NDST3: variants seen among roughly 807,000 people sequenced by gnomAD.
NDST3 encodes bifunctional heparan sulfate N-deacetylase/N-sulfotransferase 3.
NDST3 carries 58 observed loss-of-function variants against 96.1 expected under a neutral mutation model. That is an observed-to-expected ratio of 0.60 (90% CI 0.49 to 0.75). The LOEUF is 0.75. Among genes scored for constraint, NDST3 ranks in the 30% least tolerant of loss-of-function variants. The probability of loss-of-function intolerance (pLI) is 0.00; values close to 1 mark genes in which losing one functional copy is unlikely to be tolerated. For synonymous variants in NDST3, 333 were observed against 359.7 expected, an observed-to-expected ratio of 0.93 and a Z score of 0.84; for missense variants, 788 against 1,034.2, an observed-to-expected ratio of 0.76 and a Z score of 3.27.
At chr4:118,131,807 G>A (rs1361502311) in intron 4 of NDST3, among the ~76,000 whole-genome samples, 4 of 152,090 alleles carry the variant, frequency 2.6e-5, no homozygotes, top group East Asian at 1.9e-4. Flanking sequence ...TTGCAGACTC[G>A]TAGAGGTACC....
chr4:118,180,768 C>G (rs1736560884), intron 6 of NDST3, among the ~76,000 whole-genome samples: 3 of 152,116 alleles, frequency 2.0e-5, no homozygotes, highest in Admixed American at 2.0e-4. Flanking sequence ...ATTTCTTGAC[C>G]AGCTTATACT....
chr4:118,215,449 A>T (rs1739135611), intron 6 of NDST3, among the ~76,000 whole-genome samples: 1 of 152,096 alleles, frequency 6.6e-6, no homozygotes, highest in Admixed American at 6.6e-5. Context: ...TGGTGGGGAC[A>T]AAACCCAAGT....
chr4:118,195,381 A>G (rs1737610404), intron 6 of NDST3, among the ~76,000 whole-genome samples: 1 of 152,066 alleles, frequency 6.6e-6, no homozygotes, highest in African/African-American at 2.4e-5. Context: ...GTCTCATGGG[A>G]TCTAATAGTT....
At chr4:118,107,113 C>A (rs10014154) in intron 3 of NDST3, among the ~76,000 whole-genome samples, 2,992 of 151,814 alleles carry the variant, frequency 0.02, 85 homozygotes, top group African/African-American at 0.069. Flanking sequence ...TAATAATAAT[C>A]ATCATCATCA....
rs561397148 is a variant in NDST3 at position 118,218,083 on chromosome 4, C to A, written c.1540-6408C>A. Among the ~76,000 whole-genome samples the A allele has an allele frequency of 6.6e-5, 10 of 151,856 alleles. 1 individual carries two copies. In the South Asian group the frequency reaches 2.1e-3, roughly 32 times the overall value. ...CTACCAACCAAAAAAAAGCCCAAGA[C>A]CAGATACACAGCCGAATTCTACCAG... On this transcript the variant is annotated intron_variant, in intron 6 of 13. Transcript: ENST00000296499.
At chr4:118,138,332 A>C (rs1373863998) in intron 5 of NDST3, 93 bp downstream of exon 5, 1 of 1,144,100 alleles carries the variant, frequency 8.7e-7, no homozygotes, top group African/African-American at 1.6e-5. Context: ...TAGCAGCATA[A>C]ATGTAGGAAA....
At chr4:118,057,789 G>A (rs554116807) in intron 2 of NDST3, among the ~76,000 whole-genome samples, 2 of 152,176 alleles carry the variant, frequency 1.3e-5, no homozygotes, top group East Asian at 1.9e-4. Context: ...GGGTCAAGAT[G>A]TGAAGAAAGA....
At chr4:118,235,130 C>T (rs1224111975) in intron 9 of NDST3, among the ~76,000 whole-genome samples, 3 of 151,604 alleles carry the variant, frequency 2.0e-5, no homozygotes, top group Admixed American at 2.0e-4. Flanking sequence ...TCCCATTTTT[C>T]AGGTAAAAGA....
At chr4:118,073,060 A>ATCCC (rs1727215701) in intron 2 of NDST3, among the ~76,000 whole-genome samples, 1 of 152,166 alleles carries the variant, frequency 6.6e-6, no homozygotes, top group African/African-American at 2.4e-5. Flanking sequence ...CCAACCTTAC[A>ATCCC]TCCCAGGGAT....
At chr4:118,235,244 C>A (rs1367256438) in intron 9 of NDST3, among the ~76,000 whole-genome samples, 1 of 152,150 alleles carries the variant, frequency 6.6e-6, no homozygotes, top group Non-Finnish European at 1.5e-5. Flanking sequence ...TTCACTAATT[C>A]TTTGAATAAC....
rs184772718 is a variant in NDST3 at position 118,126,490 on chromosome 4, C to T, written c.1224+11530C>T. Among the ~76,000 whole-genome samples, 360 of 148,350 alleles carry T rather than the reference C, an allele frequency of 2.4e-3. 4 individuals are homozygous for T. Among genetic ancestry groups the T allele is most frequent in the African/African-American group, 8.8e-3 (347 of 39,554 alleles). On this transcript the variant is annotated intron_variant, in intron 4 of 13. Coordinates refer to ENST00000296499, the MANE Select transcript of NDST3 (RefSeq NM_004784.3). ...TGGCTGAATAGTACACCACTGTGTA[C>T]TATTATACTGTGTGTATGTATGTGT...
chr4:118,220,454 AT>A (rs1176428829), intron 6 of NDST3, among the ~76,000 whole-genome samples: 4 of 151,596 alleles, frequency 2.6e-5, no homozygotes, highest in East Asian at 3.9e-4. Context: ...CAGTTAGGGG[AT>A]GGGGGGCTAG....
intron 1 of NDST3, among the ~76,000 whole-genome samples, chr4:118,035,870 C>T (rs945543792): frequency 3.3e-5 from 5 of 151,948 alleles, no homozygotes; most frequent in African/African-American, 4.8e-5. Context: ...AGAATTCTTA[C>T]ATTACTAAAA....
At position 118,207,146 on chromosome 4, in the gene NDST3, T is replaced by TAC. The variant is rs67300451; in HGVS notation, c.1540-17301_1540-17300dup. On this transcript the variant is annotated intron_variant, in intron 6 of 13. Coordinates refer to ENST00000296499, the MANE Select transcript of NDST3 (RefSeq NM_004784.3). ...AAAATAAAAGAAAATTCTGGAAGAA[T>TAC]ACACACACACACACACACACACACA... 8.6e-3 allele frequency among the ~76,000 whole-genome samples: 1,108 copies of TAC among 128,808 alleles called. 83 individuals are homozygous for TAC. Among genetic ancestry groups the TAC allele is most frequent in the African/African-American group, 0.026 (851 of 33,030 alleles). 84.5% of individuals were successfully genotyped at this position (128,808 alleles called of 152,430 possible).
chr4:118,141,620 A>G (rs1475790120), intron 5 of NDST3, among the ~76,000 whole-genome samples: 1 of 152,222 alleles, frequency 6.6e-6, no homozygotes, highest in Admixed American at 6.5e-5. Flanking sequence ...AGTCCCAAAG[A>G]TGGCTCTGTA....
At chr4:118,038,750 C>G (rs1361948434) in intron 1 of NDST3, among the ~76,000 whole-genome samples, 4 of 152,076 alleles carry the variant, frequency 2.6e-5, no homozygotes, top group Non-Finnish European at 1.5e-5. Flanking sequence ...GGAATATTGT[C>G]AGGATCTTTT....
intron 2 of NDST3, among the ~76,000 whole-genome samples, chr4:118,072,283 G>A (rs142016810): frequency 6.6e-6 from 1 of 151,972 alleles, no homozygotes; most frequent in Non-Finnish European, 1.5e-5. Context: ...TTGATAGTTT[G>A]ATAGAAATAG....
chr4:118,106,456 C>T (rs1730188223), intron 3 of NDST3, among the ~76,000 whole-genome samples: 1 of 152,076 alleles, frequency 6.6e-6, no homozygotes, highest in South Asian at 2.1e-4. Flanking sequence ...AGAAATCCTC[C>T]CACCTCAGCC....
chr4:118,148,838 T>G (rs910897414), intron 6 of NDST3, among the ~76,000 whole-genome samples: 3 of 152,218 alleles, frequency 2.0e-5, no homozygotes, highest in Non-Finnish European at 4.4e-5. Context: ...GACCCTTCGC[T>G]GAAAAATAAA....
Sources: allele counts gnomAD v4.1 joint callset (sites outside exome capture counted in the v4.1 genomes callset), GRCh38; gene constraint gnomAD v4.1.1; transcripts MANE v1.5; gene names NCBI Gene and HGNC (gene_info 2026-07-23, HGNC 2026-07-21).